TANC2: variants seen among roughly 807,000 people sequenced by gnomAD.
TANC2 encodes tetratricopeptide repeat, ankyrin repeat and coiled-coil containing 2.
Under a neutral mutation model 210.5 loss-of-function variants are expected in TANC2, and 26 were observed. That is an observed-to-expected ratio of 0.12 (90% CI 0.09 to 0.17). TANC2 has a LOEUF of 0.17. TANC2 is among the 10% of genes least tolerant of loss of function. TANC2 has a pLI of 1.00. For synonymous variants in TANC2, 931 were observed against 967.1 expected, an observed-to-expected ratio of 0.96 and a Z score of 0.69; for missense variants, 2,129 against 2,608.9, an observed-to-expected ratio of 0.82 and a Z score of 4.01.
chr17:63,413,742 G>A (rs1037645252), intron 25 of TANC2, 108 bp downstream of exon 25: 2 of 1,015,482 alleles, frequency 2.0e-6, no homozygotes, highest in Admixed American at 4.5e-5. Context: ...AGAGGCAAAG[G>A]GAAACTACTG....
intron 17 of TANC2, chr17:63,390,664 A>G (rs769621127): frequency 1.1e-4 from 17 of 152,208 alleles, no homozygotes; most frequent in African/African-American, 3.6e-4. Flanking sequence ...GGGTCTTGCT[A>G]TATTGCTCGG....
intron 5 of TANC2, among the ~76,000 whole-genome samples, chr17:63,191,353 C>T (rs1178450029): frequency 1.3e-5 from 2 of 148,688 alleles, no homozygotes; most frequent in Non-Finnish European, 3.0e-5. Flanking sequence ...ATGGCAAAAA[C>T]CTCAATTACT....
rs1371383780 is a variant in TANC2, at chr17:63,412,348, A to G, written c.3898+218A>G. On this transcript the variant is annotated intron_variant, in intron 23 of 27. Coordinates refer to ENST00000689528, the Ensembl canonical transcript of TANC2. This position sits in a 1 kb window ranked among gnomAD's most constrained non-coding sequence, Gnocchi z 4.2. ...GTCCAGAACCACGTGGTTCTCTACC[A>G]TGTCCCTTGTAGCCTTAGCCAGGAG... Among the ~76,000 whole-genome samples, 14 of 152,052 alleles carry G rather than the reference A, an allele frequency of 9.2e-5. No individual in the cohort carries two copies. The highest frequency in any genetic ancestry group is 7.4e-5 in the Non-Finnish European group (5 of 67,992).
chr17:63,372,231 A>T (rs2047290336), intron 14 of TANC2, among the ~76,000 whole-genome samples: 1 of 152,208 alleles, frequency 6.6e-6, no homozygotes, highest in Admixed American at 6.5e-5. Flanking sequence ...GGGATCAGTT[A>T]GCTCTGTCCT....
intron 14 of TANC2, among the ~76,000 whole-genome samples, chr17:63,374,006 G>A (rs1598969393): frequency 7.5e-6 from 1 of 133,032 alleles, no homozygotes; most frequent in South Asian, 2.5e-4. Context: ...TTATTATTAA[G>A]TATTTTGATT....
At chr17:63,007,474 AATTATAAACCTTACT>A (rs2033672610) in intron 1 of TANC2, among the ~76,000 whole-genome samples, 1 of 152,072 alleles carries the variant, frequency 6.6e-6, no homozygotes, top group African/African-American at 2.4e-5. Flanking sequence ...TTTGAGTTTA[AATTATAAACCTTACT>A]ATTTGTCTTA....
At chr17:63,229,714 G>T (rs2042420394) in intron 7 of TANC2, among the ~76,000 whole-genome samples, 1 of 151,216 alleles carries the variant, frequency 6.6e-6, no homozygotes, top group Non-Finnish European at 1.5e-5. Context: ...ATTTTTTCTA[G>T]ATTTTCTAGT....
intron 4 of TANC2, among the ~76,000 whole-genome samples, chr17:63,113,490 A>T (rs1567733149): frequency 6.6e-6 from 1 of 152,104 alleles, no homozygotes; most frequent in African/African-American, 2.4e-5. Context: ...AAAGTTAAGA[A>T]ATGTGGTTAT....
intron 3 of TANC2, among the ~76,000 whole-genome samples, chr17:63,098,463 CACACACACACACACACAT>C (rs1425842025): frequency 1.2e-4 from 5 of 43,196 alleles, no homozygotes; most frequent in African/African-American, 5.3e-4. Flanking sequence ...CACACACACA[CACACACACACACACACAT>C]ACACTCTCTC....
intron 18 of TANC2, among the ~76,000 whole-genome samples, chr17:63,397,410 G>A (rs1040035134): frequency 2.6e-5 from 4 of 152,100 alleles, no homozygotes; most frequent in Admixed American, 2.0e-4. Context: ...AACTTATAAC[G>A]AAAGTTTGAC....
intron 12 of TANC2, among the ~76,000 whole-genome samples, chr17:63,342,913 A>G (rs927678510): frequency 2.0e-5 from 3 of 152,140 alleles, no homozygotes; most frequent in Non-Finnish European, 2.9e-5. Context: ...TCTATTATAA[A>G]TACTGTTCTA....
At chr17:63,357,651 A>G (rs916681996) in intron 14 of TANC2, among the ~76,000 whole-genome samples, 5 of 152,224 alleles carry the variant, frequency 3.3e-5, no homozygotes, top group African/African-American at 1.2e-4. Flanking sequence ...CCTTGTTACT[A>G]AAGTACTGAA....
intron 3 of TANC2, 87 bp downstream of exon 3, chr17:63,074,101 G>A (rs2036493573): frequency 1.0e-6 from 1 of 1,001,366 alleles, no homozygotes; most frequent in South Asian, 1.6e-5. Flanking sequence ...CTAGGATATT[G>A]CCATGGTATA....
chr17:63,025,490 A>G (rs958893805), intron 2 of TANC2, among the ~76,000 whole-genome samples: 2 of 152,140 alleles, frequency 1.3e-5, no homozygotes, highest in Non-Finnish European at 2.9e-5. Flanking sequence ...GGTGCCAAAT[A>G]CAGTCTTTAA....
chr17:63,040,510 A>G (rs906834219), intron 2 of TANC2, among the ~76,000 whole-genome samples: 1 of 152,122 alleles, frequency 6.6e-6, no homozygotes, highest in Non-Finnish European at 1.5e-5. Context: ...ATGTTTACTT[A>G]AGCCACACCC....
chr17:63,159,430 TAAGAA>T lies in TANC2; in HGVS notation c.433+8053_433+8057del, dbSNP rs577129902. On this transcript the variant is annotated intron_variant, in intron 5 of 27. Coordinates refer to ENST00000689528, the Ensembl canonical transcript of TANC2. ...ATATAAAATATCAACTAAGCTAAAA[TAAGAA>T]AATATACATAATCCATGACCCCACT... Among the ~76,000 whole-genome samples the T allele has an allele frequency of 1.9e-3, 284 of 152,284 alleles. 1 individual carries two copies. The highest frequency in any genetic ancestry group is 6.6e-3 in the African/African-American group (273 of 41,556).
chr17:63,090,273 T>TA (rs2037135565), intron 3 of TANC2, among the ~76,000 whole-genome samples: 1 of 151,776 alleles, frequency 6.6e-6, no homozygotes, highest in African/African-American at 2.4e-5. Flanking sequence ...GCAGGTTTGT[T>TA]ACATATGTAT....
At chr17:63,141,439 C>T (rs1231211909) in intron 4 of TANC2, among the ~76,000 whole-genome samples, 1 of 131,808 alleles carries the variant, frequency 7.6e-6, no homozygotes, top group African/African-American at 2.8e-5. Context: ...TGGTGGTGCA[C>T]AGCTGTAATC....
intron 5 of TANC2, chr17:63,152,936 C>T (rs765136657): frequency 1.3e-5 from 2 of 152,098 alleles, no homozygotes; most frequent in Non-Finnish European, 2.9e-5. Context: ...TAAACTAAAG[C>T]TCGGTTATGA....
Sources: gnomAD v4.1 joint callset for allele counts (sites outside exome capture counted in the v4.1 genomes callset) on GRCh38, gnomAD v4.1.1 for gene constraint, Gnocchi (gnomAD v3.1) non-coding constraint, MANE v1.5 for transcripts, NCBI Gene and HGNC (gene_info 2026-07-23, HGNC 2026-07-21) for gene names.